The following ERICH5 variants were observed in gnomAD, a reference collection of about 807,000 sequenced individuals.
ERICH5 encodes glutamate-rich protein 5.
ERICH5 carries 24 observed loss-of-function variants against 28.0 expected under a neutral mutation model. That is an observed-to-expected ratio of 0.86 (90% CI 0.62 to 1.21). ERICH5 has a LOEUF of 1.21. ERICH5 is among the 50% of genes most tolerant of loss of function. The probability of loss-of-function intolerance (pLI) is 0.00; values close to 1 mark genes in which losing one functional copy is unlikely to be tolerated. For missense variants in ERICH5, 421 were observed against 441.2 expected (o/e 0.95, Z 0.41); for synonymous variants, 163 against 157.6 (o/e 1.03, Z -0.25).
At chr8:98,079,462 A>G (rs1815131443) in intron 1 of ERICH5, among the ~76,000 whole-genome samples, 1 of 152,176 alleles carries the variant, frequency 6.6e-6, no homozygotes, top group Non-Finnish European at 1.5e-5. Context: ...ATTTATTTAT[A>G]TATAATTTAT....
At chr8:98,073,435 T>TCC (rs1814963305) in intron 1 of ERICH5, among the ~76,000 whole-genome samples, 1 of 11,370 alleles carries the variant, frequency 8.8e-5, no homozygotes, top group East Asian at 0.02. Flanking sequence ...TCTCTCTCTA[T>TCC]ATATATATAT....
At chr8:98,084,725 C>T (rs1478296762) in intron 1 of ERICH5, among the ~76,000 whole-genome samples, 1 of 152,128 alleles carries the variant, frequency 6.6e-6, no homozygotes, top group Non-Finnish European at 1.5e-5. Context: ...TTTCTCTGCT[C>T]ACAATTCTTT....
At chr8:98,071,439 AG>A (rs1814916094) in intron 1 of ERICH5, among the ~76,000 whole-genome samples, 1 of 152,200 alleles carries the variant, frequency 6.6e-6, no homozygotes, top group Non-Finnish European at 1.5e-5. Context: ...AAACTTGATG[AG>A]GCTTCTAATC....
chr8:98,079,369 GC>G (rs1815130374), intron 1 of ERICH5, among the ~76,000 whole-genome samples: 1 of 151,648 alleles, frequency 6.6e-6, no homozygotes, highest in South Asian at 2.1e-4. Context: ...GAACCCCTGT[GC>G]CCACCCAGAT....
chr8:98,074,929 A>T (rs1371027921), intron 1 of ERICH5, among the ~76,000 whole-genome samples: 1 of 152,174 alleles, frequency 6.6e-6, no homozygotes, highest in East Asian at 1.9e-4. Flanking sequence ...GCATGTAGTC[A>T]TCATGCCTCC....
At chr8:98,070,396 C>T (rs889397338) in intron 1 of ERICH5, among the ~76,000 whole-genome samples, 3 of 151,118 alleles carry the variant, frequency 2.0e-5, no homozygotes, top group Non-Finnish European at 4.4e-5. Flanking sequence ...GTGGCTTACC[C>T]CTGTAATCCC....
intron 1 of ERICH5, among the ~76,000 whole-genome samples, chr8:98,086,221 G>A (rs1428146062): frequency 1.3e-5 from 2 of 152,110 alleles, no homozygotes; most frequent in Non-Finnish European, 2.9e-5. Context: ...CAATACTGGA[G>A]TTTAGGAAGC....
chr8:98,077,144 G>T (rs1586201488), intron 1 of ERICH5, among the ~76,000 whole-genome samples: 2 of 152,174 alleles, frequency 1.3e-5, no homozygotes, highest in African/African-American at 2.4e-5. Flanking sequence ...TATATAATGG[G>T]GATAACAATA....
At chr8:98,082,985 A>G (rs1035910554) in intron 1 of ERICH5, among the ~76,000 whole-genome samples, 5 of 152,248 alleles carry the variant, frequency 3.3e-5, no homozygotes, top group Non-Finnish European at 7.3e-5. Context: ...ATCTGTGGAG[A>G]AATCAATTTT....
At chr8:98,091,900 C>CTTTCTTTCTTCCTTCCTTTCTTT in intron 2 of ERICH5, among the ~76,000 whole-genome samples, 7 of 74,708 alleles carry the variant, frequency 9.4e-5, no homozygotes, top group African/African-American at 3.9e-4. Context: ...TTCTTTCTTT[C>CTTTCTTTCTTCCTTCCTTTCTTT]CTTTCTTTCT....
At chr8:98,077,833 G>C (rs1815086970) in intron 1 of ERICH5, among the ~76,000 whole-genome samples, 1 of 152,134 alleles carries the variant, frequency 6.6e-6, no homozygotes, top group Non-Finnish European at 1.5e-5. Context: ...GCCTGCCAAA[G>C]TATTGGGATT....
chr8:98,069,885 C>T (rs775586017), intron 1 of ERICH5, among the ~76,000 whole-genome samples: 1 of 152,176 alleles, frequency 6.6e-6, no homozygotes, highest in African/African-American at 2.4e-5. Context: ...GCAGCCACAT[C>T]GAAACATACA....
intron 1 of ERICH5, among the ~76,000 whole-genome samples, chr8:98,075,785 C>CTTTTTTTT (rs1296283210): frequency 1.3e-4 from 11 of 81,640 alleles, no homozygotes; most frequent in African/African-American, 1.8e-4. Flanking sequence ...GCACACCTGC[C>CTTTTTTTT]TTTTTTTTTT....
At chr8:98,072,565 G>A (rs962977927) in intron 1 of ERICH5, among the ~76,000 whole-genome samples, 2 of 152,200 alleles carry the variant, frequency 1.3e-5, no homozygotes, top group Non-Finnish European at 2.9e-5. Context: ...TTGAACCTGG[G>A]AGGTAGAGGT....
intron 1 of ERICH5, among the ~76,000 whole-genome samples, chr8:98,080,303 T>C (rs1031686551): frequency 6.6e-6 from 1 of 152,250 alleles, no homozygotes; most frequent in Non-Finnish European, 1.5e-5. Context: ...GGAACTAACT[T>C]GTCCAGATTG....
At chr8:98,085,026 T>G (rs553418928) in intron 1 of ERICH5, among the ~76,000 whole-genome samples, 1 of 152,214 alleles carries the variant, frequency 6.6e-6, no homozygotes, top group South Asian at 2.1e-4. Flanking sequence ...CTTTTTGTCT[T>G]CTTTTACTCA....
chr8:98,079,581 T>C (rs1480598180), intron 1 of ERICH5, among the ~76,000 whole-genome samples: 4 of 151,720 alleles, frequency 2.6e-5, no homozygotes, highest in East Asian at 2.0e-4. Context: ...CTCTTGTTGC[T>C]CAGGCTGGAG....
At chr8:98,085,602 C>T (rs1815262029) in intron 1 of ERICH5, among the ~76,000 whole-genome samples, 1 of 152,032 alleles carries the variant, frequency 6.6e-6, no homozygotes, top group Non-Finnish European at 1.5e-5. Flanking sequence ...TGGGAAAATA[C>T]CTATAAGTTA....
chr8:98,069,069 A>T (rs1456027194), intron 1 of ERICH5, among the ~76,000 whole-genome samples: 1 of 152,226 alleles, frequency 6.6e-6, no homozygotes, highest in Non-Finnish European at 1.5e-5. Flanking sequence ...AAGAACAAAC[A>T]TCATAAACAT....
Sources: allele counts gnomAD v4.1 joint callset (sites outside exome capture counted in the v4.1 genomes callset), GRCh38; gene constraint gnomAD v4.1.1; transcripts MANE v1.5; gene names NCBI Gene and HGNC (gene_info 2026-07-23, HGNC 2026-07-21).